ATAD1: variants seen among roughly 807,000 people sequenced by gnomAD.
The protein encoded by ATAD1 is outer mitochondrial transmembrane helix translocase.
Under a neutral mutation model 42.7 loss-of-function variants are expected in ATAD1, and 18 were observed. The observed-to-expected ratio is 0.42, with a 90% CI of 0.29 to 0.63. ATAD1 has a LOEUF of 0.63. ATAD1 is among the 20% of genes least tolerant of loss of function. ATAD1 has a pLI of 0.19. For synonymous variants in ATAD1, 132 were observed against 143.1 expected, an observed-to-expected ratio of 0.92 and a Z score of 0.55; for missense variants, 294 against 440.4, an observed-to-expected ratio of 0.67 and a Z score of 2.98.
chr10:87,790,293 A>G lies in ATAD1; in HGVS notation c.382+17T>C, dbSNP rs1318452475. 4.4e-6 allele frequency: 7 copies of G among 1,604,710 alleles called. No individual in the cohort carries two copies. The highest frequency in any genetic ancestry group is 5.9e-6 in the Non-Finnish European group (7 of 1,178,022). On this transcript the variant is annotated intron_variant, in intron 4 of 9. Coordinates refer to ENST00000680024, the MANE Select transcript of ATAD1 (RefSeq NM_001321967.2). ...TAGGATTTTAATGCTTTAGGCGAAT[A>G]TATACCTTTACCATACCTTTTGGAG... is the stretch of plus-strand genomic sequence containing the variant.
chr10:87,813,412 AT>A (rs1245977250), intron 2 of ATAD1, among the ~76,000 whole-genome samples: 3 of 151,652 alleles, frequency 2.0e-5, no homozygotes, highest in African/African-American at 7.3e-5. Context: ...AAATAGGCTG[AT>A]AATATCATCT....
intron 1 of ATAD1, among the ~76,000 whole-genome samples, chr10:87,840,293 G>A (rs1858007928): frequency 6.6e-6 from 1 of 152,126 alleles, no homozygotes; most frequent in Non-Finnish European, 1.5e-5. Flanking sequence ...AGATGAGCCT[G>A]GGCAACATAG....
chr10:87,831,415 G>A (rs1467936586), intron 1 of ATAD1, among the ~76,000 whole-genome samples: 2 of 152,174 alleles, frequency 1.3e-5, no homozygotes, highest in Admixed American at 6.5e-5. Flanking sequence ...TTAAGTCTAC[G>A]TAACTAAATT....
chr10:87,776,320 C>G lies in ATAD1; in HGVS notation c.690+1G>C, dbSNP rs1262126778. ...GTTGAGGGCAGATTTTATTCAAATA[C>G]CTGGCAGCTGTGATCAGTATCCAAT... On this transcript the variant is annotated splice_donor_variant, in intron 6 of 9. Coordinates refer to ENST00000680024, the MANE Select transcript of ATAD1 (RefSeq NM_001321967.2). LOFTEE classifies it high-confidence loss of function. The G allele has an allele frequency of 1.9e-6, 3 of 1,604,910 alleles. No homozygotes were observed. The highest frequency in any genetic ancestry group is 2.6e-6 in the Non-Finnish European group (3 of 1,175,648).
At chr10:87,825,831 C>A (rs1010461762) in intron 1 of ATAD1, among the ~76,000 whole-genome samples, 2 of 151,406 alleles carry the variant, frequency 1.3e-5, no homozygotes, top group African/African-American at 4.9e-5. Context: ...CCTCCCAAAG[C>A]ACTGGGATTA....
chr10:87,819,879 G>A (rs910660499), upstream of ATAD1, among the ~76,000 whole-genome samples: 14 of 152,068 alleles, frequency 9.2e-5, no homozygotes, highest in Admixed American at 4.6e-4. Flanking sequence ...CATGAATGTT[G>A]AAAACTATGA....
chr10:87,820,354 T>G (rs1857609350), upstream of ATAD1, among the ~76,000 whole-genome samples: 1 of 152,212 alleles, frequency 6.6e-6, no homozygotes, highest in African/African-American at 2.4e-5. Context: ...ATTCATTTAC[T>G]GAGTGAAATT....
intron 4 of ATAD1, among the ~76,000 whole-genome samples, chr10:87,786,544 T>C (rs894963159): frequency 2.6e-5 from 4 of 152,210 alleles, no homozygotes; most frequent in African/African-American, 9.6e-5. Context: ...CAAAGAAAGC[T>C]TGTGGCTATC....
intron 2 of ATAD1, 151 bp from the exon 3 acceptor site, chr10:87,792,906 C>T (rs1437309644): frequency 3.2e-6 from 2 of 624,464 alleles, no homozygotes; most frequent in African/African-American, 3.7e-5. Context: ...TTAGCCTTCT[C>T]CATTGTGAGC....
At chr10:87,818,077 C>T (rs1334164442) in intron 1 of ATAD1, 90 bp downstream of exon 1, 1 of 985,582 alleles carries the variant, frequency 1.0e-6, no homozygotes, top group Non-Finnish European at 1.2e-6. Flanking sequence ...ACCTTTCCTC[C>T]GGGGGTTCCC....
chr10:87,759,055 C>A (rs1011385570), intron 8 of ATAD1, among the ~76,000 whole-genome samples: 1 of 152,088 alleles, frequency 6.6e-6, no homozygotes, highest in Non-Finnish European at 1.5e-5. Flanking sequence ...TACCCCGTGA[C>A]ACAGAAGCTT....
At chr10:87,833,681 T>C (rs546371403) in intron 1 of ATAD1, among the ~76,000 whole-genome samples, 92 of 151,794 alleles carry the variant, frequency 6.1e-4, no homozygotes, top group Middle Eastern at 6.8e-3. Flanking sequence ...TCTGAATGGA[T>C]GTTGAAGTCT....
At chr10:87,817,711 A>G in intron 1 of ATAD1, 1 of 983,954 alleles carries the variant, frequency 1.0e-6, no homozygotes, top group Non-Finnish European at 1.2e-6. Flanking sequence ...TAACATCACC[A>G]TCTTTTGTGA....
chr10:87,794,588 G>GT (rs1257633931), intron 2 of ATAD1, among the ~76,000 whole-genome samples: 2 of 152,168 alleles, frequency 1.3e-5, no homozygotes, highest in African/African-American at 4.8e-5. Flanking sequence ...CATCTAGTCA[G>GT]TAGAGGTAGA....
At chr10:87,778,377 A>G (rs1261697631) in intron 5 of ATAD1, among the ~76,000 whole-genome samples, 1 of 139,326 alleles carries the variant, frequency 7.2e-6, no homozygotes, top group East Asian at 2.0e-4. Flanking sequence ...ACACAGGTTG[A>G]GTATCCCTCC....
chr10:87,773,645 T>C (rs904237526), intron 6 of ATAD1, among the ~76,000 whole-genome samples: 10 of 152,214 alleles, frequency 6.6e-5, no homozygotes, highest in Non-Finnish European at 1.3e-4. Context: ...CAGTAATTGC[T>C]ATTAGTGCAA....
chr10:87,782,761 C>T (rs1284533012), intron 5 of ATAD1, among the ~76,000 whole-genome samples: 3 of 152,084 alleles, frequency 2.0e-5, no homozygotes, highest in African/African-American at 4.8e-5. Flanking sequence ...CTTTAGGAGG[C>T]TGAGGCAGGA....
At chr10:87,821,694 G>A (rs907430828), upstream of ATAD1, among the ~76,000 whole-genome samples, 3 of 152,174 alleles carry the variant, frequency 2.0e-5, no homozygotes, top group African/African-American at 4.8e-5. Flanking sequence ...TGGGCTCTCC[G>A]CCATGTGAGG....
At chr10:87,777,840 C>T (rs890751252) in intron 5 of ATAD1, among the ~76,000 whole-genome samples, 4 of 152,130 alleles carry the variant, frequency 2.6e-5, no homozygotes, top group Admixed American at 1.3e-4. Flanking sequence ...AAACACATTA[C>T]CATGACACAT....
Sources: allele counts gnomAD v4.1 joint callset (sites outside exome capture counted in the v4.1 genomes callset), GRCh38; gene constraint gnomAD v4.1.1; transcripts MANE v1.5; gene names NCBI Gene and HGNC (gene_info 2026-07-23, HGNC 2026-07-21).